The following TSHZ3 variants were observed in gnomAD, a reference collection of about 807,000 sequenced individuals.
TSHZ3 encodes the protein teashirt zinc finger homeobox 3.
In TSHZ3, 10 loss-of-function variants were observed where a neutral mutation model predicts 64.5. The observed-to-expected ratio is 0.16, with a 90% confidence interval of 0.10 to 0.26. TSHZ3 has a LOEUF of 0.26. Ranked by LOEUF, TSHZ3 falls within the 10% of genes least tolerant of loss-of-function variation. The pLI, the probability that TSHZ3 is intolerant of heterozygous loss-of-function variation, is 1.00. For missense variants in TSHZ3, 1,242 were observed against 1,421.7 expected (o/e 0.87, Z 2.03); for synonymous variants, 608 against 593.1 (o/e 1.03, Z -0.36).
intron 1 of TSHZ3, among the ~76,000 whole-genome samples, chr19:31,322,539 GC>G (rs1204081513): frequency 2.6e-5 from 4 of 152,166 alleles, no homozygotes; most frequent in Non-Finnish European, 4.4e-5. Context: ...TCCCATCTCA[GC>G]CTCCCAAGTA....
At chr19:31,254,902 T>C (rs1975889025) in intron 1 of TSHZ3, among the ~76,000 whole-genome samples, 1 of 152,162 alleles carries the variant, frequency 6.6e-6, no homozygotes, top group South Asian at 2.1e-4. Context: ...GACTGCAGCA[T>C]CTAAAAGCTA....
At chr19:31,288,164 C>T (rs553818638) in intron 1 of TSHZ3, among the ~76,000 whole-genome samples, 7 of 151,966 alleles carry the variant, frequency 4.6e-5, no homozygotes, top group African/African-American at 1.7e-4. Context: ...TTTAACTAGC[C>T]GAAGGGGATG....
At chr19:31,161,823 C>T (rs559599883) in intron 5 of TSHZ3, among the ~76,000 whole-genome samples, 1 of 152,214 alleles carries the variant, frequency 6.6e-6, no homozygotes, top group Non-Finnish European at 1.5e-5. Context: ...GTCTCTGTTA[C>T]AACTCAACTC....
At chr19:31,166,464 G>A (rs1974453576) in intron 5 of TSHZ3, among the ~76,000 whole-genome samples, 1 of 152,170 alleles carries the variant, frequency 6.6e-6, no homozygotes, top group Non-Finnish European at 1.5e-5. Context: ...GGGCATTCTA[G>A]AGCCAGGCCT....
intron 5 of TSHZ3, among the ~76,000 whole-genome samples, chr19:31,174,096 A>AG (rs1338136395): frequency 2.6e-5 from 4 of 152,186 alleles, no homozygotes; most frequent in African/African-American, 4.8e-5. Flanking sequence ...ACAAAAAAAA[A>AG]AATTGGCTCA....
At chr19:31,322,801 T>A (rs1330615343) in intron 1 of TSHZ3, among the ~76,000 whole-genome samples, 2 of 152,212 alleles carry the variant, frequency 1.3e-5, no homozygotes, top group African/African-American at 4.8e-5. Context: ...AATGAATGAA[T>A]GAATGAGTGA....
Position 31,349,243 on chromosome 19 carries a change from T to G in TSHZ3, c.-24A>C, listed in dbSNP as rs762332955. 4.8e-6 allele frequency: 7 copies of G among 1,470,612 alleles called. No homozygotes were observed. In the South Asian group the frequency reaches 6.3e-5, roughly 13 times the overall value. 91.1% of individuals were successfully genotyped at this position (1,470,612 alleles called of 1,614,324 possible). A position where few individuals can be genotyped will look rare whatever the true frequency, so the allele number is the denominator to read the frequency against. On this transcript the variant is annotated 5_prime_UTR_variant, in exon 1 of 2. Coordinates refer to ENST00000240587, the MANE Select transcript of TSHZ3 (RefSeq NM_020856.4). ...ATGATGCTTCTCCGGCGACTGCCAC[T>G]GCCGCCGCCGCCGCCGCTGCCGGGC...
chr19:31,279,949 T>G lies in TSHZ3; in HGVS notation c.41-197A>C, dbSNP rs1406692091. ...AAACAGTTAAAATGTGGTGTTTCTTTGGAGCAAAAAAAAAAAAAAATCTGC... is the reference window on the plus strand; with the variant it reads ...AAACAGTTAAAATGTGGTGTTTCTTGGGAGCAAAAAAAAAAAAAAATCTGC... On this transcript the variant is annotated intron_variant, in intron 1 of 1. Coordinates refer to ENST00000240587, the MANE Select transcript of TSHZ3 (RefSeq NM_020856.4). This position sits in a 1 kb window ranked among gnomAD's most constrained non-coding sequence, Gnocchi z 6.4. 4.6e-5 allele frequency among the ~76,000 whole-genome samples: 5 copies of G among 109,696 alleles called. No individual in the cohort carries two copies. Among genetic ancestry groups the G allele is most frequent in the African/African-American group, 1.8e-4 (5 of 28,374 alleles). The allele number at this position is 109,696 out of a possible 152,430, so 72.0% of individuals were successfully genotyped here. A position where few individuals can be genotyped will look rare whatever the true frequency, so the allele number is the denominator to read the frequency against.
In TSHZ3 at chr19:31,243,649, G is replaced by A. The variant is rs185509837; in HGVS notation, n.64-774C>T. 2.4e-4 allele frequency among the ~76,000 whole-genome samples: 37 copies of A among 152,236 alleles called. No homozygotes were observed. In the East Asian group the frequency reaches 6.2e-3, roughly 26 times the overall value. ...GGTGGGGGCAGATGCATGTCCCACC[G>A]ACACAGGATACCATCCTCGGGGGCT... On this transcript the variant is annotated intron_variant and non_coding_transcript_variant, in intron 1 of 6. Transcript: ENST00000651361.
chr19:31,347,294 T>A (rs971279997), intron 1 of TSHZ3, among the ~76,000 whole-genome samples: 3 of 152,054 alleles, frequency 2.0e-5, no homozygotes, highest in African/African-American at 7.2e-5. Context: ...CCTCCTCTGA[T>A]ATTTTTCTGG....
At chr19:31,321,762 ATATT>A (rs1468170921) in intron 1 of TSHZ3, among the ~76,000 whole-genome samples, 6 of 152,096 alleles carry the variant, frequency 3.9e-5, no homozygotes, top group Non-Finnish European at 8.8e-5. Context: ...CGTTGATTAC[ATATT>A]TATTAAATAT....
intron 1 of TSHZ3, among the ~76,000 whole-genome samples, chr19:31,247,999 T>C (rs1599603683): frequency 6.6e-6 from 1 of 152,160 alleles, no homozygotes. Flanking sequence ...CTCACAATCA[T>C]GGTGGAAGGT....
At chr19:31,179,194 C>A (rs1403050637) in intron 5 of TSHZ3, among the ~76,000 whole-genome samples, 2 of 152,160 alleles carry the variant, frequency 1.3e-5, no homozygotes, top group Non-Finnish European at 2.9e-5. Context: ...CACTCCAGGG[C>A]TATCAGCAGC....
chr19:31,330,642 A>T (rs893264741), intron 1 of TSHZ3, among the ~76,000 whole-genome samples: 2 of 147,716 alleles, frequency 1.4e-5, no homozygotes, highest in African/African-American at 5.0e-5. Context: ...TGTGATCCAC[A>T]CCTCCCTCTG....
chr19:31,174,603 T>A (rs1974582541), intron 5 of TSHZ3, among the ~76,000 whole-genome samples: 2 of 152,230 alleles, frequency 1.3e-5, no homozygotes, highest in African/African-American at 2.4e-5. Flanking sequence ...TCTTAGTTAT[T>A]TATCTGGTTA....
intron 5 of TSHZ3, among the ~76,000 whole-genome samples, chr19:31,200,485 A>G (rs1398120617): frequency 8.1e-6 from 1 of 122,850 alleles, no homozygotes; most frequent in Non-Finnish European, 1.7e-5. Flanking sequence ...TGATAAGGCT[A>G]CCTACTGTGT....
In TSHZ3 at chr19:31,277,489, G is replaced by A. The variant is rs763832150; in HGVS notation, c.2304C>T (p.Pro768=). 3.7e-5 allele frequency: 59 copies of A among 1,609,534 alleles called. No homozygotes were observed. The highest frequency in any genetic ancestry group is 5.0e-5 in the Admixed American group (3 of 59,692). ...AEKAAVATPP[P]LQSKKADHLD... ...GGTGGTCTGCCTTCTTGGACTGCAG[G>A]GGCGGCGGGGTGGCCACAGCAGCCT... is the stretch of plus-strand genomic sequence containing the variant. The change falls in exon 2 of 2, where the codon CCC becomes CCT. Residue 768 remains proline (P), a synonymous_variant. Transcript: ENST00000240587. This position sits in a 1 kb window ranked among gnomAD's most constrained non-coding sequence, Gnocchi z 4.5.
intron 5 of TSHZ3, among the ~76,000 whole-genome samples, chr19:31,179,622 ATGG>A: frequency 6.6e-6 from 1 of 151,328 alleles, no homozygotes; most frequent in East Asian, 1.9e-4. Context: ...AAGAATGATG[ATGG>A]TGGTAGTGGT....
intron 1 of TSHZ3, among the ~76,000 whole-genome samples, chr19:31,310,044 T>C (rs999157674): frequency 1.3e-5 from 2 of 152,144 alleles, no homozygotes; most frequent in African/African-American, 4.8e-5. Flanking sequence ...TCGGAGGAAT[T>C]TGTGATGATG....
Sources: allele counts gnomAD v4.1 joint callset (sites outside exome capture counted in the v4.1 genomes callset), GRCh38; gene constraint gnomAD v4.1.1; non-coding constraint Gnocchi (gnomAD v3.1); transcripts MANE v1.5; gene names NCBI Gene and HGNC (gene_info 2026-07-23, HGNC 2026-07-21).